The following PSME4 variants were observed in gnomAD, a reference collection of about 807,000 sequenced individuals.
PSME4 encodes proteasome activator subunit 4, also known as proteasome activator complex subunit 4.
A neutral mutation model predicts 253.9 loss-of-function variants in PSME4; 89 were observed. The ratio of observed to expected loss-of-function variants is 0.35; its 90% CI spans 0.30 to 0.42. The LOEUF is 0.42. Ranked by LOEUF, PSME4 falls within the 10% of genes least tolerant of loss-of-function variation. PSME4 has a pLI of 1.00. For synonymous variants in PSME4, 851 were observed against 759.2 expected, an observed-to-expected ratio of 1.12 and a Z score of -1.99; for missense variants, 2,014 against 2,195.2, an observed-to-expected ratio of 0.92 and a Z score of 1.65.
At chr2:53,931,702 T>C in intron 10 of PSME4, 133 bp downstream of exon 10, 1 of 947,850 alleles carries the variant, frequency 1.1e-6, no homozygotes, top group Non-Finnish European at 1.5e-6. Context: ...CATTAAAATG[T>C]CCTGCTTCTC....
rs766991038 is a variant in PSME4 at position 53,930,603 on chromosome 2, G to A, written c.1316+1232C>T. Among the ~76,000 whole-genome samples, 30 of 152,132 alleles carry A rather than the reference G, an allele frequency of 2.0e-4. 1 individual carries two copies. Among genetic ancestry groups the A allele is most frequent in the East Asian group, 3.9e-4 (2 of 5,192 alleles). The stretch of plus-strand genomic sequence containing the variant: ...AGGAGAAGTTGGGAAAATGAAGTAC[G>A]GCCTAACTTGAATATTTATGGCAAT... On this transcript the variant is annotated intron_variant, in intron 10 of 46. Coordinates refer to ENST00000404125, the MANE Select transcript of PSME4 (RefSeq NM_014614.3).
intron 3 of PSME4, among the ~76,000 whole-genome samples, chr2:53,947,869 A>T (rs1416495137): frequency 1.3e-5 from 2 of 151,556 alleles, no homozygotes; most frequent in African/African-American, 4.9e-5. Flanking sequence ...TACAAACATT[A>T]GCTGGGTATG....
chr2:53,869,533 T>G lies in PSME4; in HGVS notation c.5106A>C (p.Arg1702=). The part of the protein sequence containing the change: ...SLLEDEQLEV[R]EMAATTLSGL... ...CGCTTAAGGTAGTAGCAGCCATTTCTCGAACCTGTAGATATAATAATTTCT... is the reference window on the plus strand; with the variant it reads ...CGCTTAAGGTAGTAGCAGCCATTTCGCGAACCTGTAGATATAATAATTTCT... The change falls in exon 44 of 47, where the codon CGA becomes CGC. Residue 1702 remains arginine (R), a synonymous_variant. Coordinates refer to ENST00000404125, the MANE Select transcript of PSME4 (RefSeq NM_014614.3). The G allele has an allele frequency of 1.3e-6, 2 of 1,518,774 alleles. No homozygotes were observed. The highest frequency in any genetic ancestry group is 1.4e-5 in the African/African-American group (1 of 73,824). The allele number at this position is 1,518,774 out of a possible 1,614,324, so 94.1% of individuals were successfully genotyped here.
At chr2:53,921,410 A>G (rs1353931077) in intron 17 of PSME4, among the ~76,000 whole-genome samples, 1 of 150,446 alleles carries the variant, frequency 6.6e-6, no homozygotes, top group South Asian at 2.1e-4. Flanking sequence ...CCATGCCCAG[A>G]TAATTTTTGT....
chr2:53,920,976 G>T lies in PSME4; in HGVS notation c.2175C>A (p.Leu725=). 6.2e-7 allele frequency: 1 copy of T among 1,614,066 alleles called. No homozygotes were observed. The highest frequency in any genetic ancestry group is 8.5e-7 in the Non-Finnish European group (1 of 1,179,960). ...TAGGGTAGATAAGTGTGGTAGAACGGAGAAGATGATGCAAAAGGTTACAAG... is the reference window on the plus strand; with the variant it reads ...TAGGGTAGATAAGTGTGGTAGAACGTAGAAGATGATGCAAAAGGTTACAAG... The part of the protein sequence containing the change: ...TLSCNLLHHL[L]RSTTLIYPTE... The change falls in exon 18 of 47, where the codon CTC becomes CTA. Residue 725 remains leucine (L), a synonymous_variant. Coordinates refer to ENST00000404125, the MANE Select transcript of PSME4 (RefSeq NM_014614.3).
intron 24 of PSME4, chr2:53,908,072 T>C: frequency 4.6e-6 from 2 of 433,960 alleles, no homozygotes; most frequent in Non-Finnish European, 8.2e-6. Flanking sequence ...TCAATGCTAT[T>C]GTCCAAATTC....
At chr2:53,931,411 A>G (rs1276316159) in intron 10 of PSME4, among the ~76,000 whole-genome samples, 1 of 152,224 alleles carries the variant, frequency 6.6e-6, no homozygotes, top group Non-Finnish European at 1.5e-5. Context: ...ACACTGTAAA[A>G]ACAACACACC....
intron 1 of PSME4, among the ~76,000 whole-genome samples, chr2:53,960,352 T>A (rs557236401): frequency 3.7e-4 from 52 of 142,130 alleles, no homozygotes; most frequent in Middle Eastern, 3.9e-3. Context: ...TGAGCCAACA[T>A]CAGGCCGCTG....
chr2:53,885,912 C>T, intron 40 of PSME4, 137 bp from the exon 41 acceptor site: 1 of 527,536 alleles, frequency 1.9e-6, no homozygotes, highest in East Asian at 3.0e-5. Flanking sequence ...ATCTATGTTA[C>T]TTCATAAATT....
chr2:53,961,529 C>T (rs1010151516), intron 1 of PSME4, among the ~76,000 whole-genome samples: 29 of 152,032 alleles, frequency 1.9e-4, no homozygotes, highest in African/African-American at 6.5e-4. Flanking sequence ...TAATAAAAAC[C>T]TAGCTGGGTG....
At chr2:53,952,864 C>T (rs1428937903) in intron 1 of PSME4, among the ~76,000 whole-genome samples, 1 of 152,232 alleles carries the variant, frequency 6.6e-6, no homozygotes, top group African/African-American at 2.4e-5. Flanking sequence ...AGGCCACAGA[C>T]CCATACCAGT....
At chr2:53,915,804 C>G (rs1668033904) in intron 20 of PSME4, among the ~76,000 whole-genome samples, 1 of 151,982 alleles carries the variant, frequency 6.6e-6, no homozygotes, top group South Asian at 2.1e-4. Flanking sequence ...AATGTGGTGG[C>G]TCATGCCTAT....
At chr2:53,938,494 A>G (rs1669230524) in intron 4 of PSME4, among the ~76,000 whole-genome samples, 2 of 150,920 alleles carry the variant, frequency 1.3e-5, no homozygotes, top group South Asian at 4.2e-4. Context: ...TTTTTTTTAA[A>G]GACAAGAGTC....
At chr2:53,932,144 C>A in intron 9 of PSME4, 44 bp from the exon 10 acceptor site, 1 of 1,559,776 alleles carries the variant, frequency 6.4e-7, no homozygotes. Flanking sequence ...TTCTACTTTG[C>A]CGCATAGACA....
chr2:53,923,274 G>A (rs1201347986), intron 15 of PSME4, 47 bp downstream of exon 15: 1 of 1,548,768 alleles, frequency 6.5e-7, no homozygotes. Context: ...ATATAAACTA[G>A]TTGATTGTTG....
At chr2:53,953,895 G>A (rs922407469) in intron 1 of PSME4, among the ~76,000 whole-genome samples, 1 of 152,150 alleles carries the variant, frequency 6.6e-6, no homozygotes, top group Admixed American at 6.5e-5. Context: ...CAGAATATAT[G>A]GATAACAAGT....
At chr2:53,935,400 G>C (rs1043847251) in intron 7 of PSME4, among the ~76,000 whole-genome samples, 1 of 152,134 alleles carries the variant, frequency 6.6e-6, no homozygotes, top group Non-Finnish European at 1.5e-5. Context: ...CTACTCCCCA[G>C]CTTTGCTCTA....
chr2:53,943,974 T>C (rs1182136949), intron 3 of PSME4, among the ~76,000 whole-genome samples: 2 of 152,098 alleles, frequency 1.3e-5, no homozygotes, highest in Non-Finnish European at 2.9e-5. Flanking sequence ...GTTAGGAAAT[T>C]ATAATAATCC....
At chr2:53,889,958 A>G in intron 37 of PSME4, 146 bp downstream of exon 37, 1 of 647,560 alleles carries the variant, frequency 1.5e-6, no homozygotes, top group Non-Finnish European at 2.6e-6. Context: ...ATAGTCTCTA[A>G]TCCCATGGAA....
Sources: allele counts gnomAD v4.1 joint callset (sites outside exome capture counted in the v4.1 genomes callset), GRCh38; gene constraint gnomAD v4.1.1; transcripts MANE v1.5; gene names NCBI Gene and HGNC (gene_info 2026-07-23, HGNC 2026-07-21).